NT5C2: variants seen among roughly 807,000 people sequenced by gnomAD.
NT5C2 encodes 5'-nucleotidase, cytosolic II.
A neutral mutation model predicts 76.1 loss-of-function variants in NT5C2; 58 were observed. That is an observed-to-expected ratio of 0.76 (90% CI 0.62 to 0.95). The LOEUF is 0.95. NT5C2 is among the 40% of genes least tolerant of loss of function. NT5C2 has a pLI of 0.00. For missense variants in NT5C2, 478 were observed against 690.3 expected (o/e 0.69, Z 3.45); for synonymous variants, 229 against 237.4 (o/e 0.96, Z 0.32).
intron 1 of NT5C2, among the ~76,000 whole-genome samples, chr10:103,192,912 G>A (rs1448911212): frequency 6.6e-6 from 1 of 152,174 alleles, no homozygotes; most frequent in African/African-American, 2.4e-5. Context: ...CTGGGAGGCT[G>A]AGGCGGGGTC....
chr10:103,128,921 T>C (rs2077281938), intron 4 of NT5C2, among the ~76,000 whole-genome samples: 1 of 97,080 alleles, frequency 1.0e-5, no homozygotes, highest in Non-Finnish European at 2.2e-5. Context: ...AGCCACCCCA[T>C]CTGGGAAGTG....
At chr10:103,137,044 C>T (rs2079423790) in intron 4 of NT5C2, among the ~76,000 whole-genome samples, 1 of 152,180 alleles carries the variant, frequency 6.6e-6, no homozygotes, top group African/African-American at 2.4e-5. Context: ...TCAATAAATA[C>T]TTACTAAATT....
intron 3 of NT5C2, among the ~76,000 whole-genome samples, chr10:103,169,604 GC>G (rs1307742062): frequency 1.3e-5 from 2 of 149,094 alleles, no homozygotes; most frequent in African/African-American, 4.9e-5. Context: ...GGGTGACAGA[GC>G]AAGACCCTGT....
rs909579083 is a variant in NT5C2 at position 103,095,867 on chromosome 10, C to T, written c.813+72G>A. ...GGTGGGTTCTGACCAATTCTTTCCC[C>T]CTTAATATTCCAGAATGATTAAATG... On this transcript the variant is annotated intron_variant, in intron 12 of 18. Transcript: ENST00000404739. 2.2e-6 allele frequency: 3 copies of T among 1,380,006 alleles called. No individual in the cohort carries two copies. The African/African-American group carries it at 4.3e-5, about 20-fold the overall frequency. The allele number at this position is 1,380,006 out of a possible 1,614,324, so 85.5% of individuals were successfully genotyped here.
intron 1 of NT5C2, among the ~76,000 whole-genome samples, chr10:103,185,572 G>A (rs1478053573): frequency 2.0e-5 from 3 of 150,588 alleles, no homozygotes; most frequent in Admixed American, 6.7e-5. Flanking sequence ...TGCTTGAGCC[G>A]GGAAGGCAGA....
chr10:103,144,665 T>A (rs1443212038), intron 3 of NT5C2, among the ~76,000 whole-genome samples: 1 of 152,222 alleles, frequency 6.6e-6, no homozygotes, highest in Non-Finnish European at 1.5e-5. Flanking sequence ...TCCATCAAAT[T>A]GCACTTCTCC....
At chr10:103,141,832 T>C (rs1456506040) in intron 3 of NT5C2, among the ~76,000 whole-genome samples, 1 of 152,228 alleles carries the variant, frequency 6.6e-6, no homozygotes, top group East Asian at 1.9e-4. Context: ...TGTAATTTAC[T>C]CTGTTTATCC....
chr10:103,134,774 G>A (rs2078868326), intron 4 of NT5C2, among the ~76,000 whole-genome samples: 1 of 152,212 alleles, frequency 6.6e-6, no homozygotes, highest in Non-Finnish European at 1.5e-5. Context: ...AAAGCAGCTG[G>A]GAGGGAAGCT....
Position 103,089,483 on chromosome 10 carries a change from C to G in NT5C2, c.*189G>C. On this transcript the variant is annotated 3_prime_UTR_variant, in exon 19 of 19. Coordinates refer to ENST00000404739, the MANE Select transcript of NT5C2 (RefSeq NM_001351169.2). ...AGACTCCATTACAATTTTGGACCAT[C>G]TGCAGAGAGTACAGATACACAAAAC... 9.7e-7 allele frequency: 1 copy of G among 1,031,594 alleles called. No homozygotes were observed. Among genetic ancestry groups the G allele is most frequent in the Non-Finnish European group, 1.3e-6 (1 of 757,198 alleles). The allele number at this position is 1,031,594 out of a possible 1,614,324, so 63.9% of individuals were successfully genotyped here. A position where few individuals can be genotyped will look rare whatever the true frequency, so the allele number is the denominator to read the frequency against.
intron 3 of NT5C2, among the ~76,000 whole-genome samples, chr10:103,160,857 AC>A (rs1694011815): frequency 6.6e-6 from 1 of 152,174 alleles, no homozygotes; most frequent in African/African-American, 2.4e-5. Flanking sequence ...TACTAAAAAT[AC>A]AAAAATTAGC....
chr10:103,122,328 A>C (rs1171669866), intron 4 of NT5C2, among the ~76,000 whole-genome samples: 1 of 152,246 alleles, frequency 6.6e-6, no homozygotes, highest in Non-Finnish European at 1.5e-5. Flanking sequence ...GAAGATTACA[A>C]TTCAACTGCA....
intron 4 of NT5C2, among the ~76,000 whole-genome samples, chr10:103,119,340 G>T (rs990966097): frequency 2.6e-5 from 4 of 152,170 alleles, no homozygotes; most frequent in African/African-American, 9.7e-5. Flanking sequence ...TTGTACTCCA[G>T]CCTGGGCAAC....
At chr10:103,107,108 G>A (rs763655855) in intron 4 of NT5C2, among the ~76,000 whole-genome samples, 8 of 152,176 alleles carry the variant, frequency 5.3e-5, no homozygotes, top group Middle Eastern at 3.2e-3. Context: ...TATGTATGCT[G>A]AAGGCTTCGG....
At chr10:103,094,235 G>C in intron 13 of NT5C2, 113 bp downstream of exon 13, 2 of 763,966 alleles carry the variant, frequency 2.6e-6, no homozygotes, top group Non-Finnish European at 4.4e-6. Flanking sequence ...TCAAAAGAGA[G>C]ATACGGCTAA....
chr10:103,172,136 G>T (rs950459813), intron 3 of NT5C2, among the ~76,000 whole-genome samples: 14 of 152,026 alleles, frequency 9.2e-5, no homozygotes, highest in African/African-American at 3.4e-4. Context: ...CTTGAACCTG[G>T]GAGGCAGAGG....
chr10:103,090,509 CAGAA>C, intron 18 of NT5C2, 98 bp downstream of exon 18: 1 of 1,081,984 alleles, frequency 9.2e-7, no homozygotes, highest in Non-Finnish European at 1.3e-6. Context: ...CTCTGTACAT[CAGAA>C]AGAAATGTTC....
At chr10:103,159,292 C>CAA (rs35464534) in intron 3 of NT5C2, among the ~76,000 whole-genome samples, 1 of 143,582 alleles carries the variant, frequency 7.0e-6, no homozygotes, top group Admixed American at 7.0e-5. Context: ...CACACACACA[C>CAA]AATTAGAGCT....
At chr10:103,168,437 T>C (rs1365504093) in intron 3 of NT5C2, among the ~76,000 whole-genome samples, 1 of 152,240 alleles carries the variant, frequency 6.6e-6, no homozygotes, top group Non-Finnish European at 1.5e-5. Context: ...AAAAACCTAA[T>C]TGTTCCATTC....
At chr10:103,103,808 C>T (rs569972990) in intron 6 of NT5C2, among the ~76,000 whole-genome samples, 1 of 151,908 alleles carries the variant, frequency 6.6e-6, no homozygotes, top group East Asian at 1.9e-4. Flanking sequence ...ACTTTCTTTC[C>T]CTCTATCTTC....
Sources: allele counts gnomAD v4.1 joint callset (sites outside exome capture counted in the v4.1 genomes callset), GRCh38; gene constraint gnomAD v4.1.1; transcripts MANE v1.5; gene names NCBI Gene and HGNC (gene_info 2026-07-23, HGNC 2026-07-21).